Variants in AFG2A observed in about 807,000 individuals in gnomAD.
AFG2A encodes AAA ATPase AFG2A.
At chr4:123,082,504 G>C in the AFG2A span, among the ~76,000 whole-genome samples, 1 of 142,392 alleles carries the variant, frequency 7.0e-6, no homozygotes, top group Non-Finnish European at 1.5e-5. Context: ...GTGTGTCTCT[G>C]TCTCTCTCTC....
the AFG2A span, among the ~76,000 whole-genome samples, chr4:123,173,230 G>C: frequency 6.0e-5 from 9 of 149,940 alleles, no homozygotes; most frequent in South Asian, 1.9e-3. Context: ...TGCAAGGCTT[G>C]TACAACCCTA....
the AFG2A span, among the ~76,000 whole-genome samples, chr4:123,263,817 C>A: frequency 6.6e-6 from 1 of 152,120 alleles, no homozygotes; most frequent in African/African-American, 2.4e-5. Context: ...CCTTAAAGAA[C>A]TAAAAGTAGA....
the AFG2A span, among the ~76,000 whole-genome samples, chr4:123,107,686 C>T: frequency 3.3e-5 from 5 of 152,218 alleles, no homozygotes; most frequent in African/African-American, 9.6e-5. Context: ...ATCCATGGCC[C>T]CCAGGCTGTT....
At chr4:123,128,547 A>G in the AFG2A span, among the ~76,000 whole-genome samples, 1 of 152,174 alleles carries the variant, frequency 6.6e-6, no homozygotes, top group Non-Finnish European at 1.5e-5. Flanking sequence ...TTTTAAAGTT[A>G]GAGTTGGAGT....
At chr4:122,931,280 T>C in the AFG2A span, among the ~76,000 whole-genome samples, 1 of 152,172 alleles carries the variant, frequency 6.6e-6, no homozygotes, top group Admixed American at 6.5e-5. Context: ...CATTAGTTTA[T>C]ACATATATTT....
chr4:122,975,459 T>G, the AFG2A span, among the ~76,000 whole-genome samples: 1 of 152,094 alleles, frequency 6.6e-6, no homozygotes, highest in East Asian at 1.9e-4. Context: ...TTGTAAAGGG[T>G]CTGAGATTTT....
the AFG2A span, chr4:123,057,299 T>G: frequency 6.2e-7 from 1 of 1,609,420 alleles, no homozygotes; most frequent in South Asian, 1.1e-5. Flanking sequence ...GTAAGAAGTA[T>G]TTAATAGCAC....
chr4:123,061,422 A>T, the AFG2A span, among the ~76,000 whole-genome samples: 1 of 152,202 alleles, frequency 6.6e-6, no homozygotes, highest in Non-Finnish European at 1.5e-5. Context: ...ATCGCTGGGG[A>T]GCCTCACAAT....
the AFG2A span, among the ~76,000 whole-genome samples, chr4:122,977,814 A>G: frequency 6.6e-6 from 1 of 152,226 alleles, no homozygotes; most frequent in Non-Finnish European, 1.5e-5. Context: ...TGAAGTGGGT[A>G]GGTCCTTCTG....
At chr4:123,249,456 T>G in the AFG2A span, among the ~76,000 whole-genome samples, 2 of 152,166 alleles carry the variant, frequency 1.3e-5, no homozygotes, top group African/African-American at 4.8e-5. Context: ...ACTTTTTTCT[T>G]TGATGTGCAA....
chr4:123,049,865 T>G, the AFG2A span, among the ~76,000 whole-genome samples: 1 of 152,064 alleles, frequency 6.6e-6, no homozygotes, highest in East Asian at 1.9e-4. Context: ...TGGGTTTGGT[T>G]TGTTCTTGCT....
chr4:123,292,028 A>G, the AFG2A span, among the ~76,000 whole-genome samples: 5 of 152,174 alleles, frequency 3.3e-5, no homozygotes, highest in African/African-American at 1.2e-4. Flanking sequence ...GACGTTTTAT[A>G]TAATCTCATA....
the AFG2A span, among the ~76,000 whole-genome samples, chr4:123,241,669 A>G: frequency 3.1e-3 from 475 of 152,314 alleles, 4 homozygotes; most frequent in African/African-American, 0.011. Context: ...ACCCACAGCC[A>G]ATATCATACT....
At chr4:123,086,702 T>C in the AFG2A span, among the ~76,000 whole-genome samples, 1 of 152,126 alleles carries the variant, frequency 6.6e-6, no homozygotes, top group Non-Finnish European at 1.5e-5. Flanking sequence ...ATTATTTTTT[T>C]TTTAAATCTA....
the AFG2A span, among the ~76,000 whole-genome samples, chr4:123,237,672 C>CAAAAAA: frequency 0.011 from 764 of 66,618 alleles, 34 homozygotes; most frequent in African/African-American, 0.043. Context: ...AACCTTGTCT[C>CAAAAAA]AAAAAAAAAA....
At chr4:122,949,216 G>A in the AFG2A span, among the ~76,000 whole-genome samples, 1 of 152,132 alleles carries the variant, frequency 6.6e-6, no homozygotes, top group African/African-American at 2.4e-5. Flanking sequence ...TTACAAAGAA[G>A]GGTGCATGAC....
the AFG2A span, among the ~76,000 whole-genome samples, chr4:123,228,448 G>C: frequency 1.3e-5 from 2 of 151,770 alleles, no homozygotes; most frequent in South Asian, 4.2e-4. Flanking sequence ...ATAAGATACA[G>C]ATTAATAAGG....
the AFG2A span, chr4:123,256,655 AT>A: frequency 8.6e-3 from 8,331 of 971,888 alleles, 520 homozygotes; most frequent in African/African-American, 0.13. Context: ...TCTTTTTGTC[AT>A]TTTGGCAAGT....
At chr4:123,070,271 T>C in the AFG2A span, among the ~76,000 whole-genome samples, 1 of 152,104 alleles carries the variant, frequency 6.6e-6, no homozygotes, top group East Asian at 1.9e-4. Flanking sequence ...AATTAATTTT[T>C]ATAATTATAA....
Sources: allele counts gnomAD v4.1 joint callset (sites outside exome capture counted in the v4.1 genomes callset), GRCh38; gene constraint gnomAD v4.1.1; transcripts MANE v1.5; gene names NCBI Gene and HGNC (gene_info 2026-07-23, HGNC 2026-07-21).